The following CNTNAP2 variants were observed in gnomAD, a reference collection of about 807,000 sequenced individuals.
The protein encoded by CNTNAP2 is contactin associated protein 2.
Under a neutral mutation model 155.2 loss-of-function variants are expected in CNTNAP2, and 98 were observed. That is an observed-to-expected ratio of 0.63 (90% CI 0.54 to 0.75). The LOEUF (loss-of-function observed/expected upper bound fraction) is 0.75, where lower values mean the gene tolerates loss of function less well. Ranked by LOEUF, CNTNAP2 falls within the 30% of genes least tolerant of loss-of-function variation. CNTNAP2 has a pLI of 0.00. For missense variants in CNTNAP2, 1,727 were observed against 1,688.1 expected (o/e 1.02, Z -0.40); for synonymous variants, 651 against 631.2 (o/e 1.03, Z -0.47).
chr7:147,919,544 C>T lies in CNTNAP2; in HGVS notation c.2255+15823C>T, dbSNP rs947343258. On this transcript the variant is annotated intron_variant, in intron 14 of 23. Coordinates refer to ENST00000361727, the MANE Select transcript of CNTNAP2 (RefSeq NM_014141.6). ...CGCAATCTCTGCTCACTGCAAGCTC[C>T]GTCCCCTGGGTTCATGCCATTCTCT... Among the ~76,000 whole-genome samples the T allele has an allele frequency of 3.4e-5, 5 of 146,166 alleles. 1 individual carries two copies. Among genetic ancestry groups the T allele is most frequent in the Middle Eastern group, 3.6e-3 (1 of 280 alleles).
In CNTNAP2 at chr7:148,415,539, G is replaced by C; in HGVS notation, c.3919G>C (p.Ala1307Pro). 6.2e-7 allele frequency: 1 copy of C among 1,614,226 alleles called. No individual in the cohort carries two copies. Among genetic ancestry groups the C allele is most frequent in the Non-Finnish European group, 8.5e-7 (1 of 1,180,030 alleles). ...AAAGGGGGCGGAGTCGGCAGAGAGC[G>C]CGGACGCCGCCATCATGAACAACGA... ...EAKGAESAES[A>P]DAAIMNNDPN... Residue 1307 changes from alanine (A) to proline (P), a missense_variant, in exon 24 of 24, where the codon GCG becomes CCG. Ala to Pro is a conservative substitution (Grantham distance 27, BLOSUM62 -1). Coordinates refer to ENST00000361727, the MANE Select transcript of CNTNAP2 (RefSeq NM_014141.6).
At chr7:147,169,422 G>A (rs1178245981) in intron 8 of CNTNAP2, among the ~76,000 whole-genome samples, 2 of 152,032 alleles carry the variant, frequency 1.3e-5, no homozygotes, top group African/African-American at 4.8e-5. Flanking sequence ...TTCAATCAAC[G>A]CCCTCCCTCT....
At chr7:146,873,961 T>C (rs369618351) in intron 3 of CNTNAP2, among the ~76,000 whole-genome samples, 1 of 152,052 alleles carries the variant, frequency 6.6e-6, no homozygotes, top group Non-Finnish European at 1.5e-5. Context: ...CCTACAAGAG[T>C]TCATGATTTG....
At chr7:147,842,276 G>A (rs894870107) in intron 13 of CNTNAP2, among the ~76,000 whole-genome samples, 10 of 152,232 alleles carry the variant, frequency 6.6e-5, no homozygotes, top group Admixed American at 1.3e-4. Context: ...AACTTCGTGA[G>A]AGACACATAT....
intron 14 of CNTNAP2, among the ~76,000 whole-genome samples, chr7:147,916,152 CT>C (rs1366267623): frequency 6.6e-6 from 1 of 152,200 alleles, no homozygotes; most frequent in East Asian, 1.9e-4. Context: ...TGGAAAGCCA[CT>C]GTGTTTCTGC....
chr7:146,817,612 G>A (rs1803198980), intron 2 of CNTNAP2, among the ~76,000 whole-genome samples: 2 of 152,158 alleles, frequency 1.3e-5, no homozygotes, highest in Admixed American at 6.6e-5. Flanking sequence ...TTACAATCAT[G>A]GAAGAAGACA....
At chr7:146,489,598 T>C (rs1797109079) in intron 1 of CNTNAP2, among the ~76,000 whole-genome samples, 1 of 152,174 alleles carries the variant, frequency 6.6e-6, no homozygotes, top group Non-Finnish European at 1.5e-5. Context: ...CAGTTGGCCT[T>C]GGAACTGTCA....
intron 1 of CNTNAP2, among the ~76,000 whole-genome samples, chr7:146,493,027 C>CTATA (rs1797162602): frequency 6.6e-6 from 1 of 152,134 alleles, no homozygotes; most frequent in Non-Finnish European, 1.5e-5. Flanking sequence ...AAGGATAAGT[C>CTATA]TATAATCCAG....
At chr7:148,237,365 G>A (rs1345661888) in intron 20 of CNTNAP2, among the ~76,000 whole-genome samples, 1 of 152,204 alleles carries the variant, frequency 6.6e-6, no homozygotes, top group Non-Finnish European at 1.5e-5. Context: ...GTGGTTCTAT[G>A]CTATAACTAT....
chr7:147,132,681 A>C (rs939970012), intron 8 of CNTNAP2, among the ~76,000 whole-genome samples, 172 bp downstream of exon 8: 1 of 152,116 alleles, frequency 6.6e-6, no homozygotes, highest in Non-Finnish European at 1.5e-5. Flanking sequence ...GAAAACTTGG[A>C]AAGTTGTTGA....
chr7:147,797,078 AG>A (rs1797908706), intron 13 of CNTNAP2, among the ~76,000 whole-genome samples: 1 of 152,188 alleles, frequency 6.6e-6, no homozygotes, highest in South Asian at 2.1e-4. Flanking sequence ...CCTCTCAACT[AG>A]TTCTTACTTA....
chr7:147,457,410 A>G (rs766196626), intron 10 of CNTNAP2, among the ~76,000 whole-genome samples: 2 of 152,146 alleles, frequency 1.3e-5, no homozygotes, highest in Non-Finnish European at 2.9e-5. Context: ...ATCGCTGATC[A>G]CTTGGTCAAA....
intron 3 of CNTNAP2, among the ~76,000 whole-genome samples, chr7:147,041,332 G>A (rs959475935): frequency 3.3e-5 from 5 of 151,992 alleles, no homozygotes; most frequent in East Asian, 1.9e-4. Flanking sequence ...ACCAATAAGC[G>A]CATCAAATCT....
chr7:146,923,803 A>T (rs1006222908), intron 3 of CNTNAP2, among the ~76,000 whole-genome samples: 2 of 152,118 alleles, frequency 1.3e-5, no homozygotes, highest in Non-Finnish European at 2.9e-5. Context: ...TCATTTATTT[A>T]GTATATTGGC....
At chr7:147,123,846 G>A (rs759796375) in intron 6 of CNTNAP2, among the ~76,000 whole-genome samples, 5 of 152,104 alleles carry the variant, frequency 3.3e-5, no homozygotes, top group Admixed American at 6.5e-5. Flanking sequence ...TTTAAGACCA[G>A]CCTGGCCAAT....
chr7:146,508,577 G>C (rs1244777975), intron 1 of CNTNAP2, among the ~76,000 whole-genome samples: 1 of 152,180 alleles, frequency 6.6e-6, no homozygotes, highest in Non-Finnish European at 1.5e-5. Flanking sequence ...TGGGAGACCA[G>C]TGGACTGCCA....
At chr7:147,268,502 G>A (rs1257440268) in intron 8 of CNTNAP2, among the ~76,000 whole-genome samples, 1 of 152,088 alleles carries the variant, frequency 6.6e-6, no homozygotes, top group Non-Finnish European at 1.5e-5. Context: ...CATACACCGG[G>A]GCCTGTTGCA....
intron 20 of CNTNAP2, among the ~76,000 whole-genome samples, chr7:148,259,881 A>C (rs147741944): frequency 8.1e-4 from 123 of 152,352 alleles, no homozygotes; most frequent in African/African-American, 2.9e-3. Context: ...GTGTTCACTC[A>C]AGGTTGTCCT....
At chr7:146,892,262 C>G (rs965596164) in intron 3 of CNTNAP2, among the ~76,000 whole-genome samples, 1 of 152,136 alleles carries the variant, frequency 6.6e-6, no homozygotes, top group Non-Finnish European at 1.5e-5. Context: ...GTTACTGAGA[C>G]TTTGACAGCA....
Sources: gnomAD v4.1 joint callset for allele counts (sites outside exome capture counted in the v4.1 genomes callset) on GRCh38, gnomAD v4.1.1 for gene constraint, MANE v1.5 for transcripts, NCBI Gene and HGNC (gene_info 2026-07-23, HGNC 2026-07-21) for gene names.